Variants in STK39 observed in about 807,000 individuals in gnomAD.
The protein encoded by STK39 is serine/threonine kinase 39.
In STK39, 20 loss-of-function variants were observed where a neutral mutation model predicts 77.8. The observed-to-expected ratio is 0.26, with a 90% CI of 0.18 to 0.37. The LOEUF (loss-of-function observed/expected upper bound fraction) is 0.37, where lower values mean the gene tolerates loss of function less well. Among genes scored for constraint, STK39 ranks in the 10% least tolerant of loss-of-function variants. STK39 has a pLI of 1.00. For synonymous variants in STK39, 246 were observed against 234.1 expected, an observed-to-expected ratio of 1.05 and a Z score of -0.47; for missense variants, 479 against 656.5, an observed-to-expected ratio of 0.73 and a Z score of 2.95.
At chr2:168,206,466 A>T (rs1440315183) in intron 1 of STK39, among the ~76,000 whole-genome samples, 1 of 151,884 alleles carries the variant, frequency 6.6e-6, no homozygotes, top group Non-Finnish European at 1.5e-5. Context: ...ACACCCAGCT[A>T]ATTTTCGTTA....
chr2:168,216,905 C>T (rs189700277), intron 1 of STK39, among the ~76,000 whole-genome samples: 245 of 152,282 alleles, frequency 1.6e-3, no homozygotes, highest in Non-Finnish European at 2.9e-3. Context: ...TTTACCCAAC[C>T]AACCCGCTAG....
At chr2:168,115,566 G>GA (rs1331679917) in intron 10 of STK39, among the ~76,000 whole-genome samples, 1 of 152,150 alleles carries the variant, frequency 6.6e-6, no homozygotes, top group South Asian at 2.1e-4. Flanking sequence ...TATTTATCAA[G>GA]AAAAAATTGA....
intron 10 of STK39, among the ~76,000 whole-genome samples, chr2:168,102,573 A>T (rs1028125166): frequency 3.9e-5 from 6 of 152,182 alleles, no homozygotes; most frequent in African/African-American, 7.2e-5. Flanking sequence ...AAGGCTGTAC[A>T]AGCCAGCCCT....
At chr2:168,214,199 C>A (rs1229292206) in intron 1 of STK39, among the ~76,000 whole-genome samples, 1 of 151,786 alleles carries the variant, frequency 6.6e-6, no homozygotes, top group Non-Finnish European at 1.5e-5. Flanking sequence ...ACGGTGCCTG[C>A]CTAGTGGGGT....
chr2:167,962,629 G>T (rs12327902), intron 17 of STK39, among the ~76,000 whole-genome samples: 1 of 152,206 alleles, frequency 6.6e-6, no homozygotes, highest in East Asian at 1.9e-4. Flanking sequence ...TGCCTGACAG[G>T]CCACTATTAC....
intron 10 of STK39, among the ~76,000 whole-genome samples, chr2:168,105,756 AC>A (rs1038857722): frequency 3.3e-5 from 5 of 152,210 alleles, no homozygotes; most frequent in African/African-American, 1.2e-4. Flanking sequence ...AAAGGGCAAG[AC>A]CTTGTGTGAA....
chr2:168,198,413 T>C (rs1689528523), intron 1 of STK39, among the ~76,000 whole-genome samples: 1 of 152,146 alleles, frequency 6.6e-6, no homozygotes, highest in East Asian at 1.9e-4. Flanking sequence ...TAACCCAACT[T>C]TGGTGTAAAT....
At chr2:168,210,474 A>G (rs1689862440) in intron 1 of STK39, among the ~76,000 whole-genome samples, 1 of 152,200 alleles carries the variant, frequency 6.6e-6, no homozygotes, top group Non-Finnish European at 1.5e-5. Context: ...AGCTGCACAC[A>G]CATCAAGACA....
At chr2:167,959,534 G>C (rs1046060914) in intron 17 of STK39, among the ~76,000 whole-genome samples, 2 of 151,968 alleles carry the variant, frequency 1.3e-5, no homozygotes, top group Non-Finnish European at 2.9e-5. Context: ...ATTCTTTCAA[G>C]TAAAAATGAT....
chr2:168,161,712 G>A, intron 5 of STK39, 75 bp downstream of exon 5: 1 of 1,060,216 alleles, frequency 9.4e-7, no homozygotes, highest in African/African-American at 1.6e-5. Context: ...TCATTTCTCA[G>A]GAATGATTCT....
At chr2:168,034,334 T>C (rs151282803) in intron 14 of STK39, among the ~76,000 whole-genome samples, 4 of 152,350 alleles carry the variant, frequency 2.6e-5, no homozygotes, top group African/African-American at 9.6e-5. Flanking sequence ...ATAATCCAGC[T>C]AATAATTGTT....
In STK39 at chr2:167,977,940, A is replaced by C. The variant is rs150096667; in HGVS notation, c.1499-13214T>G. On this transcript the variant is annotated intron_variant, in intron 16 of 17. Coordinates refer to ENST00000355999, the MANE Select transcript of STK39 (RefSeq NM_013233.3). The stretch of plus-strand genomic sequence containing the variant: ...GCAGTTTTTAAGGATAATTCTGAGG[A>C]AGGGGCTTGGGAAGTGGGGAGTGCT... Among the ~76,000 whole-genome samples, 84 of 152,230 alleles carry C rather than the reference A, an allele frequency of 5.5e-4. No homozygotes were observed. In the East Asian group the frequency reaches 0.014, roughly 26 times the overall value.
chr2:168,222,580 A>G (rs945734714), intron 1 of STK39, among the ~76,000 whole-genome samples: 5 of 152,210 alleles, frequency 3.3e-5, no homozygotes, highest in Non-Finnish European at 5.9e-5. Context: ...TAAGTGCTTA[A>G]GCTACCATAA....
intron 10 of STK39, among the ~76,000 whole-genome samples, chr2:168,085,729 T>C (rs1245700268): frequency 6.6e-6 from 1 of 152,218 alleles, no homozygotes; most frequent in Non-Finnish European, 1.5e-5. Context: ...CAATATCTCC[T>C]GCCCCACATG....
At chr2:168,176,917 G>C (rs1023960405) in intron 2 of STK39, among the ~76,000 whole-genome samples, 10 of 152,104 alleles carry the variant, frequency 6.6e-5, no homozygotes, top group African/African-American at 2.4e-4. Flanking sequence ...ATTGAAAAGG[G>C]GGTTTTGTTA....
At chr2:168,115,495 T>G (rs1687235175) in intron 10 of STK39, among the ~76,000 whole-genome samples, 1 of 152,218 alleles carries the variant, frequency 6.6e-6, no homozygotes, top group Non-Finnish European at 1.5e-5. Context: ...TATGTAATAA[T>G]GCAAGTACAA....
At chr2:167,960,634 C>T (rs187749223) in intron 17 of STK39, among the ~76,000 whole-genome samples, 61 of 152,240 alleles carry the variant, frequency 4.0e-4, no homozygotes, top group Non-Finnish European at 7.1e-4. Flanking sequence ...CATCTCCTCA[C>T]CCCTCCCGCC....
intron 2 of STK39, among the ~76,000 whole-genome samples, chr2:168,172,743 T>C (rs1478962754): frequency 1.3e-5 from 2 of 152,186 alleles, no homozygotes; most frequent in Non-Finnish European, 1.5e-5. Flanking sequence ...TTACAACTTA[T>C]GTAAATCCTA....
At chr2:168,140,263 G>T (rs764376847) in intron 7 of STK39, 26 bp downstream of exon 7, 1 of 1,543,244 alleles carries the variant, frequency 6.5e-7, no homozygotes, top group Non-Finnish European at 9.0e-7. Context: ...TTTCAACCCC[G>T]ATGTAGTATT....
Sources: allele counts gnomAD v4.1 joint callset (sites outside exome capture counted in the v4.1 genomes callset), GRCh38; gene constraint gnomAD v4.1.1; transcripts MANE v1.5; gene names NCBI Gene and HGNC (gene_info 2026-07-23, HGNC 2026-07-21).